Variants in PTCD2 observed in about 807,000 individuals in gnomAD.
PTCD2 encodes the protein pentatricopeptide repeat-containing protein 2, mitochondrial.
A neutral mutation model predicts 42.6 loss-of-function variants in PTCD2; 31 were observed. The observed-to-expected ratio is 0.73, with a 90% CI of 0.55 to 0.98. The LOEUF (loss-of-function observed/expected upper bound fraction) is 0.98. Among genes scored for constraint, PTCD2 ranks in the 50% least tolerant of loss-of-function variants. PTCD2 has a pLI of 0.00. For synonymous variants in PTCD2, 183 were observed against 170.9 expected, an observed-to-expected ratio of 1.07 and a Z score of -0.55; for missense variants, 476 against 454.8, an observed-to-expected ratio of 1.05 and a Z score of -0.42.
Position 72,331,237 on chromosome 5 carries a change from T to C in PTCD2, c.351-21T>C. 3.3e-6 allele frequency: 5 copies of C among 1,495,402 alleles called. No individual in the cohort carries two copies. The South Asian group carries it at 3.4e-5, about 10-fold the overall frequency. 92.6% of individuals were successfully genotyped at this position (1,495,402 alleles called of 1,614,324 possible). ...TTCCTGTGTCCTACCTTTTGGCTCA[T>C]TGAATCATTTTCATTACCAGGTACC... is the stretch of plus-strand genomic sequence containing the variant. On this transcript the variant is annotated intron_variant, in intron 3 of 9. Transcript: ENST00000380639.
At chr5:72,326,062 A>G (rs1026705349) in intron 2 of PTCD2, among the ~76,000 whole-genome samples, 3 of 152,224 alleles carry the variant, frequency 2.0e-5, no homozygotes, top group African/African-American at 7.2e-5. Flanking sequence ...ACAGCTGAGT[A>G]AAAAGAGACC....
intron 7 of PTCD2, among the ~76,000 whole-genome samples, chr5:72,341,836 A>G (rs1317941664): frequency 6.6e-6 from 1 of 151,880 alleles, no homozygotes; most frequent in Non-Finnish European, 1.5e-5. Flanking sequence ...AGGTCAGGAG[A>G]TCGAGACCAT....
intron 2 of PTCD2, among the ~76,000 whole-genome samples, chr5:72,325,590 A>G (rs1054371123): frequency 3.3e-5 from 5 of 152,182 alleles, no homozygotes; most frequent in Non-Finnish European, 5.9e-5. Flanking sequence ...TGGTTCTGCA[A>G]ATAAAAATTG....
rs369383175 is a variant in PTCD2 at position 72,320,408 on chromosome 5, C to T, written c.26C>T (p.Ala9Val). MVRDSMAA[A>V]FRPSNRVLLQ... ...ATGGTCCGAGACAGTATGGCTGCTG[C>T]ATTTCGGCCCTCGAATCGAGTTCTC... The change falls in exon 1 of 10, where the codon GCA (alanine) becomes GTA (valine). Residue 9 changes from alanine to valine, a missense_variant. Physicochemically the swap from Ala to Val is moderately conservative, Grantham distance 64. Coordinates refer to ENST00000380639, the MANE Select transcript of PTCD2 (RefSeq NM_024754.5). The T allele has an allele frequency of 1.2e-5, 19 of 1,614,054 alleles. No individual in the cohort carries two copies. The African/African-American group carries it at 2.3e-4, about 19-fold the overall frequency.
In PTCD2 at chr5:72,326,713, G is replaced by T; in HGVS notation, c.322G>T (p.Val108Leu). 6.2e-7 allele frequency: 1 copy of T among 1,614,130 alleles called. No individual in the cohort carries two copies. Among genetic ancestry groups the T allele is most frequent in the Non-Finnish European group, 8.5e-7 (1 of 1,179,976 alleles). ...LLHLCESRDH[V>L]ELAKNVIYRY... ...ACATTTGTGTGAGTCTCGGGACCAT[G>T]TGGAACTGGCTAAAAATGTCATTTA... The change falls in exon 3 of 10, where the codon GTG becomes TTG. Residue 108 changes from valine to leucine, a missense_variant. Val to Leu is a conservative substitution (Grantham distance 32). Transcript: ENST00000380639.
At chr5:72,330,499 A>G (rs1751389032) in intron 3 of PTCD2, among the ~76,000 whole-genome samples, 1 of 152,210 alleles carries the variant, frequency 6.6e-6, no homozygotes, top group African/African-American at 2.4e-5. Context: ...AAGTCTTTCT[A>G]AAATCTGATT....
At chr5:72,332,340 G>A (rs1389279732) in intron 4 of PTCD2, among the ~76,000 whole-genome samples, 2 of 151,870 alleles carry the variant, frequency 1.3e-5, no homozygotes, top group African/African-American at 2.4e-5. Context: ...AGGTTGTTTC[G>A]GAACAGTACA....
chr5:72,335,134 C>A, intron 5 of PTCD2, 38 bp downstream of exon 5: 6 of 1,211,166 alleles, frequency 5.0e-6, no homozygotes, highest in South Asian at 1.2e-5. Flanking sequence ...AAAATTCTGC[C>A]ATGTTTGCTG....
Position 72,358,401 on chromosome 5 carries a change from C to T in PTCD2, c.1141C>T (p.Leu381Phe), listed in dbSNP as rs1274809636. ...GGTCAGCCGTCGCACCTTCCAGCCA[C>T]TCAGCCAGTCCCTGTTGGCTGAGTA... ...RMVSRRTFQP[L>F]SQSLLAE is the part of the protein sequence containing the mutation. Residue 381 changes from leucine to phenylalanine, a missense_variant, in exon 10 of 10, where the codon CTC becomes TTC. Leu to Phe is a conservative substitution (Grantham distance 22). Transcript: ENST00000380639. The T allele has an allele frequency of 3.7e-6, 6 of 1,613,534 alleles. No homozygotes were observed. The highest frequency in any genetic ancestry group is 5.1e-6 in the Non-Finnish European group (6 of 1,179,940).
At chr5:72,330,162 G>T (rs184104977) in intron 3 of PTCD2, among the ~76,000 whole-genome samples, 1 of 151,108 alleles carries the variant, frequency 6.6e-6, no homozygotes, top group Non-Finnish European at 1.5e-5. Flanking sequence ...AGATGGTCTC[G>T]ATCTCCTGAC....
rs1753130393 is a variant in PTCD2, at chr5:72,363,158, T to A, written c.*4731T>A. 6.6e-6 allele frequency: 1 copy of A among 152,240 alleles called. No individual in the cohort carries two copies. The highest frequency in any genetic ancestry group is 2.1e-4 in the South Asian group (1 of 4,830). 9.4% of individuals were successfully genotyped at this position (152,240 alleles called of 1,614,324 possible). A position where few individuals can be genotyped will look rare whatever the true frequency, so the allele number is the denominator to read the frequency against. ...ACTTGATCTTGCTTAAAGGATATTT[T>A]AGTCTTTGATTTCTTTGAGGTAAAT... is the stretch of plus-strand genomic sequence containing the variant. On this transcript the variant is annotated 3_prime_UTR_variant, in exon 10 of 10. Transcript: ENST00000380639.
At chr5:72,356,032 C>A (rs1379817376) in intron 9 of PTCD2, among the ~76,000 whole-genome samples, 4 of 152,212 alleles carry the variant, frequency 2.6e-5, no homozygotes, top group Admixed American at 2.6e-4. Context: ...AAATGACTAA[C>A]TGGATATGGT....
intron 1 of PTCD2, chr5:72,321,397 T>A (rs1173736743): frequency 6.6e-6 from 1 of 152,210 alleles, no homozygotes; most frequent in African/African-American, 2.4e-5. Flanking sequence ...TTGCCCAAAG[T>A]CAGAGGGAAC....
At chr5:72,333,266 G>A (rs1751538887) in intron 4 of PTCD2, among the ~76,000 whole-genome samples, 1 of 152,108 alleles carries the variant, frequency 6.6e-6, no homozygotes, top group African/African-American at 2.4e-5. Context: ...TTATCCTTGA[G>A]GCTCCCTCCT....
At chr5:72,352,789 G>T in intron 9 of PTCD2, 35 bp downstream of exon 9, 1 of 1,089,982 alleles carries the variant, frequency 9.2e-7, no homozygotes, top group South Asian at 1.3e-5. Flanking sequence ...TCATTTAAAA[G>T]TGAAAGGACA....
chr5:72,362,665 C>T lies in PTCD2; in HGVS notation c.*4238C>T, dbSNP rs1483439928. 3 of 152,198 alleles carry T rather than the reference C, an allele frequency of 2.0e-5. No individual in the cohort carries two copies. Among genetic ancestry groups the T allele is most frequent in the Non-Finnish European group, 2.9e-5 (2 of 68,036 alleles). The allele number at this position is 152,198 out of a possible 1,614,324, so 9.4% of individuals were successfully genotyped here. ...TGTCACTTTTTCAATGAGGCATTTG[C>T]AAGCTCTTTAAATTCTCAAGGATTC... is the stretch of plus-strand genomic sequence containing the variant. On this transcript the variant is annotated 3_prime_UTR_variant, in exon 10 of 10. Coordinates refer to ENST00000380639, the MANE Select transcript of PTCD2 (RefSeq NM_024754.5).
At chr5:72,347,619 G>A (rs547817555) in intron 8 of PTCD2, among the ~76,000 whole-genome samples, 18 of 152,270 alleles carry the variant, frequency 1.2e-4, no homozygotes, top group African/African-American at 3.6e-4. Context: ...CCTGGGAGGC[G>A]GAGGCTGCTG....
chr5:72,330,099 A>ATT (rs767099502), intron 3 of PTCD2, among the ~76,000 whole-genome samples: 1 of 141,844 alleles, frequency 7.1e-6, no homozygotes. Context: ...CGCCCGGCTA[A>ATT]TTTTTTTTTT....
At chr5:72,333,455 T>C (rs1751549708) in intron 4 of PTCD2, among the ~76,000 whole-genome samples, 1 of 152,208 alleles carries the variant, frequency 6.6e-6, no homozygotes, top group Admixed American at 6.5e-5. Context: ...TAGTAGGGTT[T>C]TGAGCAGGGT....
Sources: gnomAD v4.1 joint callset for allele counts (sites outside exome capture counted in the v4.1 genomes callset) on GRCh38, gnomAD v4.1.1 for gene constraint, MANE v1.5 for transcripts, NCBI Gene and HGNC (gene_info 2026-07-23, HGNC 2026-07-21) for gene names.